CACNB2: variants seen among roughly 807,000 people sequenced by gnomAD.
CACNB2 encodes the protein voltage-dependent L-type calcium channel subunit beta-2.
Under a neutral mutation model 73.3 loss-of-function variants are expected in CACNB2, and 42 were observed. The ratio of observed to expected loss-of-function variants is 0.57; its 90% CI spans 0.45 to 0.74. The LOEUF (loss-of-function observed/expected upper bound fraction) is 0.74. Ranked by LOEUF, CACNB2 falls within the 30% of genes least tolerant of loss-of-function variation. The probability of loss-of-function intolerance (pLI) is 0.00; values close to 1 mark genes in which losing one functional copy is unlikely to be tolerated. For synonymous variants in CACNB2, 348 were observed against 310.3 expected (o/e 1.12, Z -1.28); for missense variants, 940 against 853.0 (o/e 1.10, Z -1.27).
At chr10:18,521,338 G>C (rs988206932) in intron 9 of CACNB2, among the ~76,000 whole-genome samples, 1 of 152,198 alleles carries the variant, frequency 6.6e-6, no homozygotes, top group Non-Finnish European at 1.5e-5. Context: ...GGAAGAGAAG[G>C]GTATGTTCAG....
At chr10:18,394,734 C>T (rs2043638891) in intron 2 of CACNB2, among the ~76,000 whole-genome samples, 1 of 152,136 alleles carries the variant, frequency 6.6e-6, no homozygotes, top group South Asian at 2.1e-4. Flanking sequence ...GTACCTGACA[C>T]AGTGTAAGCA....
intron 2 of CACNB2, among the ~76,000 whole-genome samples, chr10:18,337,033 A>C (rs895159808): frequency 5.3e-5 from 8 of 152,220 alleles, no homozygotes; most frequent in African/African-American, 1.7e-4. Flanking sequence ...TTTCTTCTAA[A>C]TATTTTTAAC....
At chr10:18,254,499 ACT>A (rs2037204366) in intron 2 of CACNB2, among the ~76,000 whole-genome samples, 1 of 151,992 alleles carries the variant, frequency 6.6e-6, no homozygotes, top group Admixed American at 6.6e-5. Flanking sequence ...AAATGTTGCC[ACT>A]CTCATTACTG....
At chr10:18,518,223 T>C in intron 7 of CACNB2, 113 bp from the exon 8 acceptor site, 1 of 791,142 alleles carries the variant, frequency 1.3e-6, no homozygotes, top group East Asian at 2.4e-5. Flanking sequence ...GAAAATAAAA[T>C]GTCTGGAAAG....
intron 1 of CACNB2, among the ~76,000 whole-genome samples, chr10:18,148,040 A>G (rs1284954333): frequency 6.6e-6 from 1 of 152,072 alleles, no homozygotes; most frequent in African/African-American, 2.4e-5. Context: ...TCTGATCCTG[A>G]CTGTTATTAT....
At chr10:18,309,313 A>G (rs1459650795) in intron 2 of CACNB2, among the ~76,000 whole-genome samples, 2 of 152,158 alleles carry the variant, frequency 1.3e-5, no homozygotes, top group East Asian at 3.9e-4. Context: ...TAAGCACCAG[A>G]CTGCCAAGAA....
chr10:18,295,362 A>G (rs1588966517), intron 2 of CACNB2, among the ~76,000 whole-genome samples: 2 of 152,178 alleles, frequency 1.3e-5, no homozygotes, highest in African/African-American at 2.4e-5. Flanking sequence ...TGTAGACCTG[A>G]CTTTATACCA....
chr10:18,526,700 T>G (rs907886587), intron 9 of CACNB2, among the ~76,000 whole-genome samples: 1 of 152,206 alleles, frequency 6.6e-6, no homozygotes, highest in Admixed American at 6.5e-5. Flanking sequence ...CAATTCAATA[T>G]TGTCTCTCAT....
intron 3 of CACNB2, among the ~76,000 whole-genome samples, chr10:18,494,826 T>C (rs2049689991): frequency 6.6e-6 from 1 of 151,838 alleles, no homozygotes; most frequent in African/African-American, 2.4e-5. Context: ...CTTAGGAGGC[T>C]GAGGGGGGAG....
At chr10:18,539,056 T>G in intron 13 of CACNB2, 174 bp from the exon 14 acceptor site, 1 of 760,980 alleles carries the variant, frequency 1.3e-6, no homozygotes, top group South Asian at 1.5e-5. Flanking sequence ...TAATATAGTA[T>G]AGTATAAAGC....
At chr10:18,315,513 A>AAC (rs2040138916) in intron 2 of CACNB2, among the ~76,000 whole-genome samples, 2 of 128,066 alleles carry the variant, frequency 1.6e-5, no homozygotes, top group African/African-American at 6.2e-5. Flanking sequence ...AAAAAAAAAA[A>AAC]AAAAAAAAAA....
chr10:18,501,020 A>G, intron 5 of CACNB2, 72 bp downstream of exon 5: 1 of 1,376,944 alleles, frequency 7.3e-7, no homozygotes, highest in Non-Finnish European at 1.0e-6. Context: ...TGTCTGCTGT[A>G]TTCTGTATCC....
chr10:18,289,255 T>A (rs532457418), intron 2 of CACNB2, among the ~76,000 whole-genome samples: 25 of 151,362 alleles, frequency 1.7e-4, no homozygotes, highest in African/African-American at 6.1e-4. Flanking sequence ...AAAATCAATC[T>A]TACGAAGTTG....
At chr10:18,148,782 G>C (rs1329344955) in intron 1 of CACNB2, among the ~76,000 whole-genome samples, 1 of 152,014 alleles carries the variant, frequency 6.6e-6, no homozygotes, top group Non-Finnish European at 1.5e-5. Context: ...ATTGCTTAAA[G>C]TCATGAGTTC....
chr10:18,465,961 G>A (rs1255521214), intron 3 of CACNB2, among the ~76,000 whole-genome samples: 4 of 152,108 alleles, frequency 2.6e-5, no homozygotes, highest in African/African-American at 4.8e-5. Flanking sequence ...GATTACAGGC[G>A]TGGGCCACTG....
At chr10:18,461,437 C>G (rs1005426387) in intron 3 of CACNB2, among the ~76,000 whole-genome samples, 5 of 152,082 alleles carry the variant, frequency 3.3e-5, no homozygotes, top group Admixed American at 1.3e-4. Context: ...ATCCAGTGTT[C>G]ATGACTTCCC....
Position 18,506,499 on chromosome 10 carries a change from T to C in CACNB2, c.622T>C (p.Leu208=), listed in dbSNP as rs538160664. The change falls in exon 6 of 14, where the codon TTG becomes CTG. Residue 208 remains leucine (L), a synonymous_variant. Transcript: ENST00000324631. The stretch of plus-strand genomic sequence containing the variant: ...ATCAGGAGGAAATTCATCATCCAGT[T>C]TGGGTGACATAGTACCTAGTTCCAG... ...SKSGGNSSSS[L]GDIVPSSRKS... 449 of 1,612,170 alleles carry C rather than the reference T, an allele frequency of 2.8e-4. 9 individuals carry two copies. In the South Asian group the frequency reaches 4.7e-3, roughly 17 times the overall value.
intron 10 of CACNB2, among the ~76,000 whole-genome samples, chr10:18,529,546 T>C (rs534399882): frequency 3.9e-5 from 6 of 152,176 alleles, no homozygotes; most frequent in African/African-American, 1.4e-4. Flanking sequence ...GACTTGAAGA[T>C]GACAGGATTT....
chr10:18,306,996 G>A (rs2039754204), intron 2 of CACNB2, among the ~76,000 whole-genome samples: 1 of 152,060 alleles, frequency 6.6e-6, no homozygotes, highest in South Asian at 2.1e-4. Flanking sequence ...GTCAGTTCCT[G>A]GTTAGGAAGT....
Sources: allele counts gnomAD v4.1 joint callset (sites outside exome capture counted in the v4.1 genomes callset), GRCh38; gene constraint gnomAD v4.1.1; transcripts MANE v1.5; gene names NCBI Gene and HGNC (gene_info 2026-07-23, HGNC 2026-07-21).